ZNF407: variants seen among roughly 807,000 people sequenced by gnomAD.
ZNF407 encodes the protein zinc finger protein 407.
Under a neutral mutation model 131.2 loss-of-function variants are expected in ZNF407, and 17 were observed. The observed-to-expected ratio is 0.13, with a 90% CI of 0.09 to 0.19. The LOEUF (loss-of-function observed/expected upper bound fraction) is 0.19. Among genes scored for constraint, ZNF407 ranks in the 10% least tolerant of loss-of-function variants. The pLI, the probability that ZNF407 is intolerant of heterozygous loss-of-function variation, is 1.00. For missense variants in ZNF407, 2,681 were observed against 2,830.6 expected, an observed-to-expected ratio of 0.95 and a Z score of 1.20; for synonymous variants, 1,156 against 1,062.0, an observed-to-expected ratio of 1.09 and a Z score of -1.72.
At position 74,931,518 on chromosome 18, in the gene ZNF407, G is replaced by C. The variant is rs554656136; in HGVS notation, c.5428+10826G>C. Among the ~76,000 whole-genome samples, 17 of 152,130 alleles carry C rather than the reference G, an allele frequency of 1.1e-4. No homozygotes were observed. In the East Asian group the frequency reaches 3.1e-3, roughly 28 times the overall value. On this transcript the variant is annotated intron_variant, in intron 8 of 8. Transcript: ENST00000299687. ...AACCACAGTGAAATTCCACAGCTAG[G>C]GTTTTTATTCTTTTTGGCAATTATT... is the stretch of plus-strand genomic sequence containing the variant.
At chr18:74,818,497 C>T (rs2145098075) in intron 4 of ZNF407, among the ~76,000 whole-genome samples, 1 of 152,242 alleles carries the variant, frequency 6.6e-6, no homozygotes, top group South Asian at 2.1e-4. Context: ...TGATTTTTTG[C>T]ACATGCACAT....
chr18:74,702,611 A>G (rs901865046), intron 3 of ZNF407, among the ~76,000 whole-genome samples: 2 of 152,146 alleles, frequency 1.3e-5, no homozygotes, highest in African/African-American at 2.4e-5. Context: ...TAGTTCTTCT[A>G]TGCATTGTTT....
chr18:74,990,457 G>A (rs1347932817), intron 8 of ZNF407, among the ~76,000 whole-genome samples: 3 of 152,082 alleles, frequency 2.0e-5, no homozygotes, highest in Non-Finnish European at 4.4e-5. Context: ...TTCTGATTCT[G>A]TTCTATTTCT....
At chr18:74,985,747 A>G (rs938288518) in intron 8 of ZNF407, among the ~76,000 whole-genome samples, 3 of 152,256 alleles carry the variant, frequency 2.0e-5, no homozygotes, top group Non-Finnish European at 4.4e-5. Context: ...GCTTTGGGCC[A>G]TTGAACAGCC....
chr18:75,019,310 G>GGGAC, intron 8 of ZNF407, among the ~76,000 whole-genome samples: 1 of 152,084 alleles, frequency 6.6e-6, no homozygotes, highest in East Asian at 1.9e-4. Flanking sequence ...AACCCAGCCA[G>GGGAC]GGACGAGAAA....
chr18:74,857,734 G>T (rs894740935), intron 4 of ZNF407, among the ~76,000 whole-genome samples: 2 of 152,004 alleles, frequency 1.3e-5, no homozygotes, highest in African/African-American at 4.8e-5. Flanking sequence ...TTAAATTAAT[G>T]AAGTACTGAG....
chr18:74,669,265 A>G (rs1986047040), intron 3 of ZNF407, among the ~76,000 whole-genome samples: 1 of 152,174 alleles, frequency 6.6e-6, no homozygotes, highest in Non-Finnish European at 1.5e-5. Flanking sequence ...GCCTGGTCAG[A>G]GGACTCGGCT....
At chr18:74,930,032 A>G (rs1463433166) in intron 8 of ZNF407, among the ~76,000 whole-genome samples, 1 of 152,140 alleles carries the variant, frequency 6.6e-6, no homozygotes, top group Admixed American at 6.5e-5. Flanking sequence ...ATACGTTGCC[A>G]TTTTCTATGC....
At chr18:74,824,910 CA>C (rs959720765) in intron 4 of ZNF407, among the ~76,000 whole-genome samples, 1 of 151,922 alleles carries the variant, frequency 6.6e-6, no homozygotes, top group African/African-American at 2.4e-5. Flanking sequence ...GACACAACAA[CA>C]AAAAAAGTTC....
chr18:74,802,097 C>G (rs1970030088), intron 4 of ZNF407, among the ~76,000 whole-genome samples: 2 of 152,084 alleles, frequency 1.3e-5, no homozygotes, highest in South Asian at 4.2e-4. Context: ...TCACTGTTAG[C>G]TTTCTGTAAT....
chr18:75,009,524 G>C (rs1282885428), intron 8 of ZNF407, among the ~76,000 whole-genome samples: 1 of 152,162 alleles, frequency 6.6e-6, no homozygotes, highest in Non-Finnish European at 1.5e-5. Context: ...ATGCAGTGAA[G>C]TAACCGTTCT....
At position 74,791,080 on chromosome 18, in the gene ZNF407, A is replaced by G. The variant is rs148665350; in HGVS notation, c.4877+9578A>G. 3.3e-3 allele frequency among the ~76,000 whole-genome samples: 495 copies of G among 152,292 alleles called. 5 individuals are homozygous for G. Among genetic ancestry groups the G allele is most frequent in the Middle Eastern group, 0.017 (5 of 294 alleles). The stretch of plus-strand genomic sequence containing the variant: ...TGGTGTTTTCTTACACTTAGTACTC[A>G]TAGGAGAAAACAAGCAGATGATTGA... On this transcript the variant is annotated intron_variant, in intron 4 of 8. Transcript: ENST00000299687.
At chr18:74,850,400 G>A (rs1970765335) in intron 4 of ZNF407, among the ~76,000 whole-genome samples, 1 of 151,946 alleles carries the variant, frequency 6.6e-6, no homozygotes, top group African/African-American at 2.4e-5. Flanking sequence ...TGATGTCCAG[G>A]GTGTCATCTT....
chr18:74,829,105 G>A (rs970363184), intron 4 of ZNF407, among the ~76,000 whole-genome samples: 4 of 152,134 alleles, frequency 2.6e-5, no homozygotes, highest in Non-Finnish European at 5.9e-5. Flanking sequence ...TATTTTAATA[G>A]CTTAATTCTA....
chr18:74,746,109 A>G (rs1429781457), intron 3 of ZNF407, among the ~76,000 whole-genome samples: 5 of 152,160 alleles, frequency 3.3e-5, no homozygotes, highest in Non-Finnish European at 7.3e-5. Flanking sequence ...TAGGCTGCAA[A>G]CCTGTCCAGC....
chr18:74,680,400 T>TAAAA (rs11404762), intron 3 of ZNF407, among the ~76,000 whole-genome samples: 1 of 137,614 alleles, frequency 7.3e-6, no homozygotes, highest in African/African-American at 2.7e-5. Context: ...GACCTTGCCT[T>TAAAA]AAAAAAAAAA....
chr18:74,980,647 A>G (rs997620159), intron 8 of ZNF407, among the ~76,000 whole-genome samples: 1 of 152,132 alleles, frequency 6.6e-6, no homozygotes, highest in African/African-American at 2.4e-5. Context: ...ATTCTTTACT[A>G]AGAATTAGAA....
intron 8 of ZNF407, among the ~76,000 whole-genome samples, chr18:74,926,775 C>T (rs1971919338): frequency 1.3e-5 from 2 of 152,110 alleles, no homozygotes; most frequent in Non-Finnish European, 1.5e-5. Context: ...GCACTCCTGC[C>T]TGGGCGACAA....
At chr18:74,711,972 A>C (rs2144848395) in intron 3 of ZNF407, among the ~76,000 whole-genome samples, 1 of 152,264 alleles carries the variant, frequency 6.6e-6, no homozygotes, top group Admixed American at 6.5e-5. Context: ...GGCCTCCCAA[A>C]GTGCTGGGAT....
Sources: allele counts gnomAD v4.1 joint callset (sites outside exome capture counted in the v4.1 genomes callset), GRCh38; gene constraint gnomAD v4.1.1; transcripts MANE v1.5; gene names NCBI Gene and HGNC (gene_info 2026-07-23, HGNC 2026-07-21).